The following CEP63 variants were observed in gnomAD, a reference collection of about 807,000 sequenced individuals.
CEP63 encodes centrosomal protein 63.
In CEP63, 84 loss-of-function variants were observed where a neutral mutation model predicts 89.1. The ratio of observed to expected loss-of-function variants is 0.94; its 90% CI spans 0.79 to 1.13. The LOEUF is 1.13. Among genes scored for constraint, CEP63 ranks in the 50% most tolerant of loss-of-function variants. CEP63 has a pLI of 0.00. For synonymous variants in CEP63, 267 were observed against 272.5 expected (o/e 0.98, Z 0.20); for missense variants, 838 against 813.3 (o/e 1.03, Z -0.37).
chr3:134,674,002 A>G, the CEP63 span, among the ~76,000 whole-genome samples: 3 of 152,214 alleles, frequency 2.0e-5, no homozygotes, highest in African/African-American at 7.2e-5. Context: ...GTCTAAACTA[A>G]TCAGCAAAAT....
At chr3:134,534,341 G>T (rs868273410) in intron 5 of CEP63, among the ~76,000 whole-genome samples, 2 of 151,984 alleles carry the variant, frequency 1.3e-5, no homozygotes, top group African/African-American at 4.8e-5. Context: ...CTTAGCTCTT[G>T]TCATTACCAA....
the CEP63 span, chr3:134,651,709 G>GTC: frequency 3.8e-6 from 3 of 780,630 alleles, no homozygotes; most frequent in African/African-American, 5.6e-5. Flanking sequence ...AAGTCTTAAA[G>GTC]TCTCGGTTCG....
intron 3 of CEP63, among the ~76,000 whole-genome samples, chr3:134,512,233 C>G (rs1474110528): frequency 6.6e-6 from 1 of 152,198 alleles, no homozygotes; most frequent in African/African-American, 2.4e-5. Flanking sequence ...AACTTCAGCC[C>G]ACCTGCAAAT....
At chr3:134,742,944 C>T in the CEP63 span, among the ~76,000 whole-genome samples, 7 of 152,192 alleles carry the variant, frequency 4.6e-5, no homozygotes, top group Admixed American at 1.3e-4. Flanking sequence ...ACAAAGTGGA[C>T]TAAGACACTG....
chr3:134,775,267 T>C, the CEP63 span, among the ~76,000 whole-genome samples: 1 of 152,032 alleles, frequency 6.6e-6, no homozygotes, highest in South Asian at 2.1e-4. Context: ...GGCTGTAAGA[T>C]GGGGCAGGGA....
chr3:134,647,572 G>T, the CEP63 span: 1 of 843,030 alleles, frequency 1.2e-6, no homozygotes, highest in Non-Finnish European at 2.0e-6. Context: ...GACTTATCTA[G>T]GTTATGGTAG....
At chr3:134,762,342 G>A in the CEP63 span, among the ~76,000 whole-genome samples, 1 of 152,118 alleles carries the variant, frequency 6.6e-6, no homozygotes, top group South Asian at 2.1e-4. Context: ...TTCTGGGGCG[G>A]TGTATCAGGT....
At chr3:134,594,884 T>A in the CEP63 span, among the ~76,000 whole-genome samples, 1 of 152,254 alleles carries the variant, frequency 6.6e-6, no homozygotes, top group Non-Finnish European at 1.5e-5. Context: ...AGAGTTGATA[T>A]GCCTGTGTGC....
the CEP63 span, among the ~76,000 whole-genome samples, chr3:134,687,102 T>C: frequency 0.28 from 41,906 of 152,064 alleles, 5,839 homozygotes; most frequent in Middle Eastern, 0.31. Flanking sequence ...AGACCCACAA[T>C]GGTCCTACAA....
the CEP63 span, chr3:134,604,440 G>A: frequency 4.2e-5 from 67 of 1,612,700 alleles, no homozygotes; most frequent in Non-Finnish European, 5.4e-5. Flanking sequence ...GCGTCGGGGC[G>A]CAGCTCTCAA....
the CEP63 span, among the ~76,000 whole-genome samples, chr3:134,728,204 T>A: frequency 3.3e-5 from 5 of 152,178 alleles, no homozygotes; most frequent in Non-Finnish European, 7.4e-5. Flanking sequence ...TAGTAAGAGT[T>A]CTTAATTTCA....
intron 12 of CEP63, among the ~76,000 whole-genome samples, chr3:134,555,936 A>G (rs1218506463): frequency 6.6e-6 from 1 of 151,852 alleles, no homozygotes; most frequent in Non-Finnish European, 1.5e-5. Context: ...ATATAGATCA[A>G]TGGAACAGAA....
chr3:134,584,970 T>TTTGTTTTC (rs879916043), intron 10 of CEP63, among the ~76,000 whole-genome samples: 3 of 45,338 alleles, frequency 6.6e-5, no homozygotes, highest in Non-Finnish European at 1.7e-4. Flanking sequence ...TTTTTTTTTT[T>TTTGTTTTC]TTTTGCATGG....
chr3:134,651,768 G>C, the CEP63 span: 1 of 295,022 alleles, frequency 3.4e-6, no homozygotes, highest in African/African-American at 2.3e-5. Flanking sequence ...AGGGGGAGAG[G>C]AGGAGGCTGG....
the CEP63 span, among the ~76,000 whole-genome samples, chr3:134,770,800 A>C: frequency 6.6e-6 from 1 of 152,184 alleles, no homozygotes; most frequent in South Asian, 2.1e-4. Flanking sequence ...TAAATGGATA[A>C]GTAATAGTAT....
chr3:134,627,847 G>A, the CEP63 span: 3 of 1,552,128 alleles, frequency 1.9e-6, no homozygotes, highest in Non-Finnish European at 2.7e-6. Flanking sequence ...CAGAAGTATA[G>A]ATACTTCAGA....
downstream of CEP63, among the ~76,000 whole-genome samples, chr3:134,566,904 T>A (rs1481790566): frequency 6.6e-6 from 1 of 152,180 alleles, no homozygotes; most frequent in Non-Finnish European, 1.5e-5. Context: ...TACCCAGCAA[T>A]ACCAATCCTA....
chr3:134,598,119 G>A, the CEP63 span: 1 of 152,326 alleles, frequency 6.6e-6, no homozygotes, highest in South Asian at 2.1e-4. Flanking sequence ...ATGCATCATC[G>A]AAGGTGCTTA....
intron 2 of CEP63, among the ~76,000 whole-genome samples, chr3:134,505,464 C>CA (rs2108369436): frequency 6.6e-6 from 1 of 152,264 alleles, no homozygotes; most frequent in Admixed American, 6.5e-5. Context: ...GGGGTAGGGA[C>CA]ACCAGGCAGA....
Sources: gnomAD v4.1 joint callset for allele counts (sites outside exome capture counted in the v4.1 genomes callset) on GRCh38, gnomAD v4.1.1 for gene constraint, MANE v1.5 for transcripts, NCBI Gene and HGNC (gene_info 2026-07-23, HGNC 2026-07-21) for gene names.